KCNIP1: variants seen among roughly 807,000 people sequenced by gnomAD.
KCNIP1 encodes the protein A-type potassium channel modulatory protein KCNIP1.
KCNIP1 carries 18 observed loss-of-function variants against 33.0 expected under a neutral mutation model. The observed-to-expected ratio is 0.55, with a 90% CI of 0.38 to 0.81. KCNIP1 has a LOEUF of 0.81. KCNIP1 is among the 30% of genes least tolerant of loss of function. The pLI, the probability that KCNIP1 is intolerant of heterozygous loss-of-function variation, is 0.00. For missense variants in KCNIP1, 238 were observed against 271.6 expected, an observed-to-expected ratio of 0.88 and a Z score of 0.87; for synonymous variants, 93 against 98.3, an observed-to-expected ratio of 0.95 and a Z score of 0.32.
At chr5:170,492,608 T>C (rs901720447) in intron 1 of KCNIP1, among the ~76,000 whole-genome samples, 3 of 152,158 alleles carry the variant, frequency 2.0e-5, no homozygotes, top group Admixed American at 6.5e-5. Context: ...GTCTTTTTGG[T>C]GACCAGCCCA....
At position 170,541,334 on chromosome 5, in the gene KCNIP1, C is replaced by G. The variant is rs186602300; in HGVS notation, c.61+36701C>G. 2.0e-5 allele frequency among the ~76,000 whole-genome samples: 3 copies of G among 152,314 alleles called. No homozygotes were observed. The East Asian group carries it at 5.8e-4, about 29-fold the overall frequency. ...GACTGGTCATTTCTCACCGTCACCC[C>G]CTGGAGTCTGCCCCAATCATTTCTC... is the stretch of plus-strand genomic sequence containing the variant. On this transcript the variant is annotated intron_variant, in intron 1 of 7. Coordinates refer to ENST00000328939, the MANE Select transcript of KCNIP1 (RefSeq NM_014592.4).
intron 1 of KCNIP1, among the ~76,000 whole-genome samples, chr5:170,439,550 C>T (rs1755941617): frequency 1.3e-5 from 2 of 152,182 alleles, no homozygotes; most frequent in African/African-American, 4.8e-5. Flanking sequence ...ACGTAGGAGG[C>T]TGGATGCCTG....
In KCNIP1 at chr5:170,385,284, G is replaced by C. The variant is rs45477597; in HGVS notation, c.88+31320G>C. 2,371 of 1,613,548 alleles carry C rather than the reference G, an allele frequency of 1.5e-3. 30 individuals are homozygous for C. In the African/African-American group the frequency reaches 0.029, roughly 19 times the overall value. On this transcript the variant is annotated intron_variant, in intron 1 of 7. Transcript: ENST00000377360. ...ATGCCAGACCCTTAGGAGAGGGTTG[G>C]GGGGTGGGCAGGCCGGGAGAGCTCA...
intron 1 of KCNIP1, among the ~76,000 whole-genome samples, chr5:170,356,807 G>A (rs529177231): frequency 6.6e-6 from 1 of 152,332 alleles, no homozygotes; most frequent in South Asian, 2.1e-4. Context: ...GTCAGCCTGA[G>A]ATGACCCCTG....
chr5:170,400,697 G>T (rs1395561982), intron 1 of KCNIP1, among the ~76,000 whole-genome samples: 1 of 152,226 alleles, frequency 6.6e-6, no homozygotes, highest in African/African-American at 2.4e-5. Context: ...TAATTTTATA[G>T]ATGGGGACAC....
At chr5:170,412,534 T>C (rs970039517) in intron 1 of KCNIP1, among the ~76,000 whole-genome samples, 1 of 152,272 alleles carries the variant, frequency 6.6e-6, no homozygotes, top group Admixed American at 6.5e-5. Context: ...GTGCAAACCC[T>C]TTCATCCAGA....
chr5:170,491,728 T>C (rs558696672), intron 1 of KCNIP1, among the ~76,000 whole-genome samples: 3 of 152,170 alleles, frequency 2.0e-5, no homozygotes, highest in Non-Finnish European at 4.4e-5. Flanking sequence ...CATCTAGACC[T>C]ACAGGGGAGG....
At chr5:170,417,065 A>T (rs932133264) in intron 1 of KCNIP1, among the ~76,000 whole-genome samples, 1 of 152,240 alleles carries the variant, frequency 6.6e-6, no homozygotes, top group Non-Finnish European at 1.5e-5. Context: ...AGTATTATTT[A>T]GTATGTGGAA....
chr5:170,714,684 G>C (rs534145923), intron 1 of KCNIP1, among the ~76,000 whole-genome samples: 22 of 151,910 alleles, frequency 1.4e-4, no homozygotes, highest in Middle Eastern at 6.8e-3. Flanking sequence ...TTAAAAAAAG[G>C]GTTTTAAAAG....
chr5:170,379,366 T>A (rs987089863), intron 1 of KCNIP1, among the ~76,000 whole-genome samples: 2 of 152,134 alleles, frequency 1.3e-5, no homozygotes, highest in Non-Finnish European at 2.9e-5. Context: ...CACAGAGCTA[T>A]CTAAGGAAAC....
intron 1 of KCNIP1, among the ~76,000 whole-genome samples, chr5:170,453,715 A>G (rs554778252): frequency 1.4e-4 from 22 of 152,344 alleles, no homozygotes; most frequent in African/African-American, 5.0e-4. Context: ...ATGATGGAAG[A>G]TTCATGCTAG....
chr5:170,487,590 C>T (rs1326404291), intron 1 of KCNIP1, among the ~76,000 whole-genome samples: 1 of 150,556 alleles, frequency 6.6e-6, no homozygotes, highest in African/African-American at 2.4e-5. Flanking sequence ...GAAGTGATCT[C>T]AACTCACTAT....
chr5:170,529,425 C>G (rs1371571077), intron 1 of KCNIP1, among the ~76,000 whole-genome samples: 1 of 152,188 alleles, frequency 6.6e-6, no homozygotes, highest in Non-Finnish European at 1.5e-5. Context: ...AGTGTTCTGC[C>G]TTAACAACCG....
chr5:170,715,403 G>A (rs1763612841), intron 1 of KCNIP1, among the ~76,000 whole-genome samples: 1 of 152,064 alleles, frequency 6.6e-6, no homozygotes, highest in Non-Finnish European at 1.5e-5. Context: ...TTTCCTGAGA[G>A]AGTCTAAACC....
chr5:170,722,806 T>A lies in KCNIP1; in HGVS notation c.421T>A (p.Tyr141Asn), dbSNP rs140919117. The change falls in exon 5 of 8, where the codon TAC becomes AAC. Residue 141 changes from tyrosine to asparagine, a missense_variant. By Grantham distance (143) the Tyr-to-Asn change is moderately radical. Transcript: ENST00000328939. ...FNLYDINKDG[Y>N]INKEEMMDIV... ...TTTGTATGACATCAACAAGGACGGA[T>A]ACATAAACAAAGAGGTAAGTGAGCT... The A allele has an allele frequency of 1.2e-6, 2 of 1,611,776 alleles. No individual in the cohort carries two copies. Among genetic ancestry groups the A allele is most frequent in the Non-Finnish European group, 8.5e-7 (1 of 1,178,030 alleles).
intron 1 of KCNIP1, chr5:170,389,292 A>C: frequency 6.6e-6 from 1 of 152,246 alleles, no homozygotes; most frequent in Non-Finnish European, 1.5e-5. Context: ...CTTGAGCAGC[A>C]GACAGTTTCT....
intron 1 of KCNIP1, among the ~76,000 whole-genome samples, chr5:170,596,687 T>C (rs1758451320): frequency 6.6e-6 from 1 of 152,224 alleles, no homozygotes; most frequent in African/African-American, 2.4e-5. Context: ...CTCAAAGCTC[T>C]CATCCTGTCT....
upstream of KCNIP1, among the ~76,000 whole-genome samples, chr5:170,503,719 GCACATCACACACACACACA>G (rs1754551351): frequency 9.4e-6 from 1 of 105,892 alleles, no homozygotes; most frequent in African/African-American, 3.6e-5. Context: ...ACGCACGCAC[GCACATCACACACACACACA>G]CACACACACA....
chr5:170,354,635 G>C (rs1462000817), intron 1 of KCNIP1, among the ~76,000 whole-genome samples: 1 of 152,250 alleles, frequency 6.6e-6, no homozygotes, highest in Admixed American at 6.5e-5. Context: ...TGTCTGGGCA[G>C]ATCAGAAAGT....
Sources: allele counts gnomAD v4.1 joint callset (sites outside exome capture counted in the v4.1 genomes callset), GRCh38; gene constraint gnomAD v4.1.1; transcripts MANE v1.5; gene names NCBI Gene and HGNC (gene_info 2026-07-23, HGNC 2026-07-21).